The following RAB12 variants were observed in gnomAD, a reference collection of about 807,000 sequenced individuals.
RAB12 encodes the protein ras-related protein Rab-12.
Under a neutral mutation model 28.4 loss-of-function variants are expected in RAB12, and 11 were observed. That is an observed-to-expected ratio of 0.39 (90% CI 0.24 to 0.64). RAB12 has a LOEUF of 0.64. Among genes scored for constraint, RAB12 ranks in the 30% least tolerant of loss-of-function variants. The probability of loss-of-function intolerance (pLI) is 0.50; values close to 1 mark genes in which losing one functional copy is unlikely to be tolerated. For missense variants in RAB12, 276 were observed against 351.1 expected (o/e 0.79, Z 1.71); for synonymous variants, 138 against 145.3 (o/e 0.95, Z 0.36).
At position 8,639,172 on chromosome 18, in the gene RAB12, T is replaced by G; in HGVS notation, c.*910T>G. ...CTTTTTTTTTTTTTTTTTTTTTTTT[T>G]TTTTTTTTTTTTTTTTTTTTGGTCT... On this transcript the variant is annotated 3_prime_UTR_variant, in exon 6 of 6. Transcript: ENST00000649141. 1.6e-5 allele frequency: 2 copies of G among 127,300 alleles called. No homozygotes were observed. The highest frequency in any genetic ancestry group is 8.0e-5 in the Admixed American group (1 of 12,484). 7.9% of individuals were successfully genotyped at this position (127,300 alleles called of 1,614,324 possible). A position where few individuals can be genotyped will look rare whatever the true frequency, so the allele number is the denominator to read the frequency against.
intron 1 of RAB12, among the ~76,000 whole-genome samples, chr18:8,614,326 A>G (rs1021593433): frequency 4.6e-5 from 7 of 152,138 alleles, no homozygotes; most frequent in Admixed American, 4.6e-4. Flanking sequence ...ATATTCCATC[A>G]TTCAAATTCA....
At chr18:8,635,934 G>A in intron 4 of RAB12, 1 of 424,772 alleles carries the variant, frequency 2.4e-6, no homozygotes, top group Non-Finnish European at 4.2e-6. Flanking sequence ...AACTTCCTTG[G>A]TTTTTGCTAA....
At chr18:8,636,088 T>C in intron 4 of RAB12, 165 bp from the exon 5 acceptor site, 7 of 600,440 alleles carry the variant, frequency 1.2e-5, no homozygotes, top group Middle Eastern at 3.3e-4. Context: ...TAGTTGCTTA[T>C]AATGTAAGAA....
intron 1 of RAB12, among the ~76,000 whole-genome samples, chr18:8,615,530 GT>G (rs748271777): frequency 6.6e-5 from 10 of 152,196 alleles, no homozygotes; most frequent in Non-Finnish European, 1.2e-4. Context: ...CTGCAGTGTG[GT>G]TTTGCTCCAT....
At chr18:8,629,906 G>T (rs1391206061) in intron 2 of RAB12, among the ~76,000 whole-genome samples, 1 of 152,204 alleles carries the variant, frequency 6.6e-6, no homozygotes, top group Non-Finnish European at 1.5e-5. Flanking sequence ...TGGCGCACTT[G>T]GTTGGGGTTC....
intron 1 of RAB12, among the ~76,000 whole-genome samples, chr18:8,613,020 T>TC (rs1295680153): frequency 6.6e-6 from 1 of 152,236 alleles, no homozygotes; most frequent in African/African-American, 2.4e-5. Context: ...GTAGTGGAAG[T>TC]CCTTAGGGAT....
intron 5 of RAB12, 101 bp from the exon 6 acceptor site, chr18:8,638,048 G>A (rs2096019943): frequency 1.4e-6 from 1 of 702,258 alleles, no homozygotes; most frequent in Admixed American, 2.3e-5. Context: ...AAGCAGCTGT[G>A]TATAAGTGGA....
intron 1 of RAB12, among the ~76,000 whole-genome samples, chr18:8,610,951 C>T (rs1418652553): frequency 6.6e-6 from 1 of 152,178 alleles, no homozygotes; most frequent in Non-Finnish European, 1.5e-5. Context: ...CCAAGGCTGT[C>T]AGTACGATTT....
chr18:8,611,453 A>T lies in RAB12; in HGVS notation c.514+1500A>T, dbSNP rs116984771. Among the ~76,000 whole-genome samples the T allele has an allele frequency of 3.9e-4, 59 of 152,242 alleles. No individual in the cohort carries two copies. In the East Asian group the frequency reaches 0.011, roughly 28 times the overall value. On this transcript the variant is annotated intron_variant, in intron 1 of 5. Transcript: ENST00000649141. Reference sequence around the variant, plus strand: ...CTTGAGTGGATGGAGGGTGAGATGGATGAGCAAAGGTGTGCTTTAGAATGC... The same window carrying T: ...CTTGAGTGGATGGAGGGTGAGATGGTTGAGCAAAGGTGTGCTTTAGAATGC...
Position 8,639,163 on chromosome 18 carries a change from T to G in RAB12, c.*901T>G, listed in dbSNP as rs966514905. On this transcript the variant is annotated 3_prime_UTR_variant, in exon 6 of 6. Coordinates refer to ENST00000649141, the MANE Select transcript of RAB12 (RefSeq NM_001025300.3). ...GACTGTGTTCTTTTTTTTTTTTTTTTTTTTTTTTTTTTTTTTTTTTTTTTT... is the reference window on the plus strand; with the variant it reads ...GACTGTGTTCTTTTTTTTTTTTTTTGTTTTTTTTTTTTTTTTTTTTTTTTT... 2.6e-5 allele frequency: 3 copies of G among 114,560 alleles called. No homozygotes were observed. Among genetic ancestry groups the G allele is most frequent in the Non-Finnish European group, 3.5e-5 (2 of 56,520 alleles). The allele number at this position is 114,560 out of a possible 1,614,324, so 7.1% of individuals were successfully genotyped here. A position where few individuals can be genotyped will look rare whatever the true frequency, so the allele number is the denominator to read the frequency against.
intron 1 of RAB12, among the ~76,000 whole-genome samples, chr18:8,621,598 T>C (rs901363276): frequency 6.6e-6 from 1 of 152,200 alleles, no homozygotes; most frequent in South Asian, 2.1e-4. Flanking sequence ...ACAGATTCTT[T>C]TTTTCTTTTG....
intron 1 of RAB12, among the ~76,000 whole-genome samples, chr18:8,614,360 C>T (rs2096005523): frequency 6.6e-6 from 1 of 151,586 alleles, no homozygotes. Flanking sequence ...TTTTACATAC[C>T]AAAATAGGTA....
At chr18:8,629,626 G>A (rs1414324799) in intron 2 of RAB12, among the ~76,000 whole-genome samples, 2 of 152,204 alleles carry the variant, frequency 1.3e-5, no homozygotes, top group African/African-American at 2.4e-5. Flanking sequence ...AAAGCAAATG[G>A]CTTCACTTTA....
chr18:8,631,453 C>T (rs534545274), intron 2 of RAB12, among the ~76,000 whole-genome samples: 4 of 152,216 alleles, frequency 2.6e-5, no homozygotes, highest in Admixed American at 1.3e-4. Context: ...GAATAGTGCC[C>T]GGGTGCCATG....
intron 1 of RAB12, among the ~76,000 whole-genome samples, chr18:8,619,806 G>T (rs2096008732): frequency 6.6e-6 from 1 of 152,140 alleles, no homozygotes; most frequent in African/African-American, 2.4e-5. Context: ...TAGACATGGA[G>T]TATTTGACAG....
rs4798661 is a variant in RAB12 at position 8,623,091 on chromosome 18, A to C, written c.515-1847A>C. ...TTTGTGCAGTTAACACAATTATCAC[A>C]TGGTCCTGAGGCAACATACATCCTC... On this transcript the variant is annotated intron_variant, in intron 1 of 5. Transcript: ENST00000649141. Among the ~76,000 whole-genome samples, 8 of 152,086 alleles carry C rather than the reference A, an allele frequency of 5.3e-5. No homozygotes were observed. The East Asian group carries it at 9.7e-4, about 18-fold the overall frequency.
In RAB12 at chr18:8,639,109, T is replaced by C. The variant is rs1378766634; in HGVS notation, c.*847T>C. Reference sequence around the variant, plus strand: ...GTAATGATAAAACTTCCCCCTTCTTTACGGTGAAGCTTATTCTGATTAAGC... The same window carrying C: ...GTAATGATAAAACTTCCCCCTTCTTCACGGTGAAGCTTATTCTGATTAAGC... On this transcript the variant is annotated 3_prime_UTR_variant, in exon 6 of 6. Coordinates refer to ENST00000649141, the MANE Select transcript of RAB12 (RefSeq NM_001025300.3). 1.4e-5 allele frequency: 2 copies of C among 144,428 alleles called. No homozygotes were observed. Among genetic ancestry groups the C allele is most frequent in the East Asian group, 2.1e-4 (1 of 4,714 alleles). 8.9% of individuals were successfully genotyped at this position (144,428 alleles called of 1,614,324 possible). A position where few individuals can be genotyped will look rare whatever the true frequency, so the allele number is the denominator to read the frequency against.
intron 1 of RAB12, among the ~76,000 whole-genome samples, chr18:8,612,237 C>T (rs745570884): frequency 6.6e-6 from 1 of 152,214 alleles, no homozygotes; most frequent in African/African-American, 2.4e-5. Context: ...CCAGTCGAGG[C>T]TAGTGATGAG....
In RAB12 at chr18:8,616,716, A is replaced by G. The variant is rs527255480; in HGVS notation, c.514+6763A>G. Among the ~76,000 whole-genome samples the G allele has an allele frequency of 5.9e-5, 9 of 152,134 alleles. No homozygotes were observed. The East Asian group carries it at 7.7e-4, about 13-fold the overall frequency. The stretch of plus-strand genomic sequence containing the variant: ...ACTTTTAATTTTTTACTTAAAAAGA[A>G]AAAAGAGCAGCCTGGGCTACATGGC... On this transcript the variant is annotated intron_variant, in intron 1 of 5. Transcript: ENST00000649141.
Sources: gnomAD v4.1 joint callset for allele counts (sites outside exome capture counted in the v4.1 genomes callset) on GRCh38, gnomAD v4.1.1 for gene constraint, MANE v1.5 for transcripts, NCBI Gene and HGNC (gene_info 2026-07-23, HGNC 2026-07-21) for gene names.